ABCA12: variants seen among roughly 807,000 people sequenced by gnomAD.
ABCA12 encodes glucosylceramide transporter ABCA12.
A neutral mutation model predicts 293.5 loss-of-function variants in ABCA12; 156 were observed. That is an observed-to-expected ratio of 0.53 (90% CI 0.47 to 0.61). ABCA12 has a LOEUF of 0.61. Among genes scored for constraint, ABCA12 ranks in the 20% least tolerant of loss-of-function variants. ABCA12 has a pLI of 0.00. For missense variants in ABCA12, 2,797 were observed against 3,090.2 expected, an observed-to-expected ratio of 0.91 and a Z score of 2.25; for synonymous variants, 1,063 against 1,108.0, an observed-to-expected ratio of 0.96 and a Z score of 0.81.
At chr2:215,044,734 T>G (rs1351171959) in intron 7 of ABCA12, among the ~76,000 whole-genome samples, 15 of 152,304 alleles carry the variant, frequency 9.8e-5, no homozygotes. Context: ...TTGTCTCCTC[T>G]TCTATAAAAT....
intron 1 of ABCA12, among the ~76,000 whole-genome samples, chr2:215,119,124 C>T (rs1702747465): frequency 6.6e-6 from 1 of 152,168 alleles, no homozygotes; most frequent in Admixed American, 6.5e-5. Flanking sequence ...GCATGTGCCA[C>T]CACGCCTGGC....
intron 2 of ABCA12, among the ~76,000 whole-genome samples, chr2:215,105,926 C>T (rs955718960): frequency 6.6e-6 from 1 of 152,024 alleles, no homozygotes; most frequent in East Asian, 1.9e-4. Context: ...CTCAGAACAA[C>T]AACAACAAAA....
Position 214,944,913 on chromosome 2 carries a change from ATATT to A in ABCA12, c.7343+84_7343+87del, listed in dbSNP as rs147643501. On this transcript the variant is annotated intron_variant, in intron 49 of 52. Transcript: ENST00000272895. The stretch of plus-strand genomic sequence containing the variant: ...CACACACATATATATGTATGTGTAT[ATATT>A]TATTTATGTTATACAGGATTACCTT... 8,739 of 921,678 alleles carry A rather than the reference ATATT, an allele frequency of 9.5e-3. 63 individuals are homozygous for A. The highest frequency in any genetic ancestry group is 0.013 in the Non-Finnish European group (7,239 of 576,760). The allele number at this position is 921,678 out of a possible 1,614,324, so 57.1% of individuals were successfully genotyped here. A position where few individuals can be genotyped will look rare whatever the true frequency, so the allele number is the denominator to read the frequency against.
At chr2:215,123,799 G>A (rs7558152) in intron 1 of ABCA12, among the ~76,000 whole-genome samples, 6,255 of 151,724 alleles carry the variant, frequency 0.041, 174 homozygotes, top group African/African-American at 0.06. Flanking sequence ...AAGTTATTGG[G>A]GTACAGGTAT....
intron 51 of ABCA12, among the ~76,000 whole-genome samples, chr2:214,936,979 TTAAG>T (rs1698240342): frequency 6.6e-6 from 1 of 152,118 alleles, no homozygotes; most frequent in South Asian, 2.1e-4. Flanking sequence ...TGTGTTAACT[TTAAG>T]TAAGTACAAA....
At chr2:214,976,904 G>C (rs1050612055) in intron 33 of ABCA12, among the ~76,000 whole-genome samples, 1 of 152,188 alleles carries the variant, frequency 6.6e-6, no homozygotes, top group South Asian at 2.1e-4. Context: ...CTGCCACCAC[G>C]CACACCTTCA....
intron 3 of ABCA12, among the ~76,000 whole-genome samples, chr2:215,057,425 T>A (rs192641914): frequency 5.3e-5 from 8 of 152,116 alleles, no homozygotes; most frequent in African/African-American, 1.4e-4. Context: ...ATATTTTAGA[T>A]GTAATCCCTT....
intron 23 of ABCA12, among the ~76,000 whole-genome samples, chr2:214,997,127 T>C (rs73090420): frequency 0.025 from 3,816 of 152,248 alleles, 158 homozygotes; most frequent in African/African-American, 0.083. Context: ...CTGTCTTCCA[T>C]TGTGATATGG....
intron 4 of ABCA12, among the ~76,000 whole-genome samples, chr2:215,054,146 G>A (rs949995191): frequency 1.3e-5 from 2 of 152,024 alleles, no homozygotes; most frequent in Admixed American, 6.6e-5. Context: ...TCTGCTGTAT[G>A]GCTGTAGATA....
chr2:215,110,768 T>A (rs1702556687), intron 2 of ABCA12, among the ~76,000 whole-genome samples: 1 of 152,226 alleles, frequency 6.6e-6, no homozygotes, highest in Admixed American at 6.5e-5. Flanking sequence ...GATTGTCTTC[T>A]TTTACATAGC....
intron 2 of ABCA12, among the ~76,000 whole-genome samples, chr2:215,079,095 T>C (rs1402480246): frequency 6.6e-6 from 1 of 152,180 alleles, no homozygotes; most frequent in African/African-American, 2.4e-5. Context: ...TTTAGCCTAA[T>C]GATATGGAGA....
At chr2:214,984,297 T>TGGTATTAGCCAG (rs1699738767) in intron 28 of ABCA12, among the ~76,000 whole-genome samples, 1 of 152,102 alleles carries the variant, frequency 6.6e-6, no homozygotes, top group East Asian at 1.9e-4. Context: ...GGGGTTTCAC[T>TGGTATTAGCCAG]GTATTAGCCA....
chr2:215,117,787 A>G (rs1702716127), intron 1 of ABCA12, among the ~76,000 whole-genome samples: 2 of 152,346 alleles, frequency 1.3e-5, no homozygotes, highest in South Asian at 4.1e-4. Flanking sequence ...TATGAAACTG[A>G]ACTACTGTTT....
At chr2:214,933,977 T>C in intron 52 of ABCA12, 101 bp downstream of exon 52, 13 of 1,287,994 alleles carry the variant, frequency 1.0e-5, no homozygotes, top group Non-Finnish European at 1.3e-5. Context: ...AGATATTAAT[T>C]CAATTAAAAA....
In ABCA12 at chr2:215,011,611, T is replaced by A; in HGVS notation, c.2160A>T (p.Gly720=). 1.2e-6 allele frequency: 2 copies of A among 1,614,064 alleles called. No individual in the cohort carries two copies. Among genetic ancestry groups the A allele is most frequent in the South Asian group, 2.2e-5 (2 of 91,080 alleles). ...ATGCTTGGGAGATGGTGCTAAATGA[T>A]CCTTGTGGTGTGTTCATTCGGTTGC... The part of the protein sequence containing the change: ...YRSNRMNTPQ[G]SFSTISQALC... Residue 720 remains glycine (G), a synonymous_variant, in exon 17 of 53, where the codon GGA becomes GGT. Coordinates refer to ENST00000272895, the MANE Select transcript of ABCA12 (RefSeq NM_173076.3).
rs141839434 is a variant in ABCA12 at position 214,994,493 on chromosome 2, C to T, written c.3294+3202G>A. ...TGAGAAGCTTATGCACAGGGGTTGA[C>T]GTAAATACTGCCAAGAAAAGAAATC... is the stretch of plus-strand genomic sequence containing the variant. On this transcript the variant is annotated intron_variant, in intron 23 of 52. Coordinates refer to ENST00000272895, the MANE Select transcript of ABCA12 (RefSeq NM_173076.3). 7.9e-5 allele frequency among the ~76,000 whole-genome samples: 12 copies of T among 152,254 alleles called. No individual in the cohort carries two copies. In the East Asian group the frequency reaches 1.2e-3, roughly 15 times the overall value.
intron 7 of ABCA12, among the ~76,000 whole-genome samples, chr2:215,038,599 C>G (rs917062512): frequency 1.3e-4 from 20 of 152,230 alleles, no homozygotes; most frequent in Non-Finnish European, 2.5e-4. Flanking sequence ...TATGTTTGCC[C>G]CAAGAATCTC....
chr2:214,956,554 A>G, intron 42 of ABCA12, 109 bp downstream of exon 42: 1 of 796,722 alleles, frequency 1.3e-6, no homozygotes. Context: ...CTCATGTCAA[A>G]TGAAACCCCA....
intron 2 of ABCA12, among the ~76,000 whole-genome samples, chr2:215,087,803 G>A (rs767989470): frequency 2.2e-4 from 34 of 152,210 alleles, no homozygotes; most frequent in South Asian, 6.2e-4. Flanking sequence ...AGGTATAAAT[G>A]TAAGAAAACC....
Sources: allele counts gnomAD v4.1 joint callset (sites outside exome capture counted in the v4.1 genomes callset), GRCh38; gene constraint gnomAD v4.1.1; transcripts MANE v1.5; gene names NCBI Gene and HGNC (gene_info 2026-07-23, HGNC 2026-07-21).